Variants in LRRC49 observed in about 807,000 individuals in gnomAD.
The protein encoded by LRRC49 is leucine rich repeat containing 49.
LRRC49 carries 50 observed loss-of-function variants against 83.3 expected under a neutral mutation model. The observed-to-expected ratio is 0.60, with a 90% confidence interval of 0.48 to 0.76. LRRC49 has a LOEUF of 0.76. Ranked by LOEUF, LRRC49 falls within the 30% of genes least tolerant of loss-of-function variation. The pLI is 0.00. For synonymous variants in LRRC49, 286 were observed against 283.3 expected (o/e 1.01, Z -0.10); for missense variants, 704 against 809.1 (o/e 0.87, Z 1.58).
rs185110413 is a variant in LRRC49, at chr15:70,919,301, G to A, written c.711+108G>A. 4.6e-5 allele frequency: 46 copies of A among 1,007,926 alleles called. No homozygotes were observed. The East Asian group carries it at 1.2e-3, about 26-fold the overall frequency. The allele number at this position is 1,007,926 out of a possible 1,614,324, so 62.4% of individuals were successfully genotyped here. On this transcript the variant is annotated intron_variant, in intron 7 of 15. Transcript: ENST00000260382. ...AAAGTAAGAATCTACGGTTATTTAG[G>A]TTTTTTCTGAATTTAAATTGTGGAT... is the stretch of plus-strand genomic sequence containing the variant.
chr15:71,003,205 G>T (rs932471778), intron 11 of LRRC49, among the ~76,000 whole-genome samples: 2 of 152,016 alleles, frequency 1.3e-5, no homozygotes, highest in Non-Finnish European at 2.9e-5. Context: ...AGAGTGCTGG[G>T]ATTACAGGCA....
intron 11 of LRRC49, among the ~76,000 whole-genome samples, chr15:71,007,464 G>C (rs2038495351): frequency 6.6e-6 from 1 of 151,740 alleles, no homozygotes; most frequent in African/African-American, 2.4e-5. Context: ...TTTAGTAGGG[G>C]CAAATAAATA....
intron 3 of LRRC49, chr15:70,898,288 A>G (rs1426976649): frequency 4.7e-6 from 3 of 633,710 alleles, no homozygotes; most frequent in East Asian, 2.8e-5. Flanking sequence ...GAAGTAACAC[A>G]CGCAAAATAG....
chr15:70,919,275 C>A, intron 7 of LRRC49, 82 bp downstream of exon 7: 1 of 1,210,832 alleles, frequency 8.3e-7, no homozygotes, highest in South Asian at 1.7e-5. Flanking sequence ...TGGCTTTCTG[C>A]AAAGTAAGAA....
At chr15:70,882,984 T>C (rs2033305263) in intron 2 of LRRC49, 2 of 1,478,238 alleles carry the variant, frequency 1.4e-6, no homozygotes, top group South Asian at 2.6e-5. Flanking sequence ...TTACAAGTAG[T>C]AAGACAGTAT....
At chr15:70,950,152 A>G (rs1035232490) in intron 8 of LRRC49, among the ~76,000 whole-genome samples, 4 of 152,250 alleles carry the variant, frequency 2.6e-5, no homozygotes, top group African/African-American at 9.6e-5. Context: ...ATTATTTTTT[A>G]TGTCTGTGTA....
intron 9 of LRRC49, among the ~76,000 whole-genome samples, chr15:70,973,233 G>A (rs1484363241): frequency 6.6e-6 from 1 of 152,062 alleles, no homozygotes; most frequent in East Asian, 1.9e-4. Flanking sequence ...CTAACAGTCA[G>A]GCCCCTCTTC....
intron 11 of LRRC49, among the ~76,000 whole-genome samples, chr15:71,007,872 A>T (rs2038515199): frequency 6.6e-6 from 1 of 151,488 alleles, no homozygotes; most frequent in African/African-American, 2.4e-5. Flanking sequence ...CCATTGAAGT[A>T]TCCAAAAGTA....
chr15:70,860,463 C>G (rs2032762701), intron 1 of LRRC49, among the ~76,000 whole-genome samples: 1 of 152,196 alleles, frequency 6.6e-6, no homozygotes, highest in South Asian at 2.1e-4. Flanking sequence ...CGCCTAGGCT[C>G]GAGTGCAGTG....
chr15:71,031,488 A>G (rs1400168719), intron 14 of LRRC49, among the ~76,000 whole-genome samples: 1 of 152,188 alleles, frequency 6.6e-6, no homozygotes, highest in East Asian at 1.9e-4. Flanking sequence ...GATCCACTTG[A>G]GGAGGCAGTC....
chr15:71,037,595 C>T (rs911146646), intron 15 of LRRC49, among the ~76,000 whole-genome samples: 2 of 151,980 alleles, frequency 1.3e-5, no homozygotes, highest in Non-Finnish European at 2.9e-5. Context: ...TACCATAAAT[C>T]TGTAGCAAAA....
intron 15 of LRRC49, among the ~76,000 whole-genome samples, chr15:71,039,600 C>T (rs1208200612): frequency 6.6e-6 from 1 of 151,988 alleles, no homozygotes; most frequent in Non-Finnish European, 1.5e-5. Flanking sequence ...ATGCAAATGC[C>T]ATGTAAATAG....
At chr15:70,910,761 G>A (rs980448726) in intron 5 of LRRC49, among the ~76,000 whole-genome samples, 1 of 151,998 alleles carries the variant, frequency 6.6e-6, no homozygotes, top group Admixed American at 6.5e-5. Flanking sequence ...ATATTTATTG[G>A]GTACCTACTT....
intron 1 of LRRC49, chr15:70,858,682 C>T (rs1389694578): frequency 1.2e-5 from 7 of 606,074 alleles, no homozygotes; most frequent in Non-Finnish European, 2.0e-5. Flanking sequence ...CCGCCTGGTT[C>T]AGCCCGCCTG....
At chr15:70,958,769 G>A (rs1215050950) in intron 8 of LRRC49, among the ~76,000 whole-genome samples, 1 of 152,166 alleles carries the variant, frequency 6.6e-6, no homozygotes, top group Admixed American at 6.5e-5. Context: ...ACTATGAGTT[G>A]CGTATAAATT....
chr15:71,001,848 C>T (rs932002494), intron 11 of LRRC49, among the ~76,000 whole-genome samples: 5 of 152,058 alleles, frequency 3.3e-5, no homozygotes, highest in Admixed American at 6.5e-5. Flanking sequence ...CCCGCCACCA[C>T]GCCCGGTTAA....
At chr15:70,901,058 A>G in intron 4 of LRRC49, 34 bp downstream of exon 4, 2 of 1,247,226 alleles carry the variant, frequency 1.6e-6, no homozygotes, top group Non-Finnish European at 2.3e-6. Flanking sequence ...CTTTTTTTTG[A>G]CTAGGTAATA....
intron 1 of LRRC49, among the ~76,000 whole-genome samples, chr15:70,864,855 A>C (rs1387935460): frequency 1.3e-5 from 2 of 152,150 alleles, no homozygotes; most frequent in African/African-American, 4.8e-5. Context: ...GTGTCTGTTC[A>C]TCAGTCATCT....
intron 5 of LRRC49, among the ~76,000 whole-genome samples, chr15:70,910,468 T>C (rs534583694): frequency 6.6e-6 from 1 of 152,164 alleles, no homozygotes; most frequent in Non-Finnish European, 1.5e-5. Context: ...TGGAAGTGGT[T>C]CTTTGAGGCA....
Sources: allele counts gnomAD v4.1 joint callset (sites outside exome capture counted in the v4.1 genomes callset), GRCh38; gene constraint gnomAD v4.1.1; transcripts MANE v1.5; gene names NCBI Gene and HGNC (gene_info 2026-07-23, HGNC 2026-07-21).